The following NRDC variants were observed in gnomAD, a reference collection of about 807,000 sequenced individuals.
The protein encoded by NRDC is nardilysin convertase.
In NRDC, 54 loss-of-function variants were observed where a neutral mutation model predicts 147.1. The ratio of observed to expected loss-of-function variants is 0.37; its 90% CI spans 0.29 to 0.46. The LOEUF (loss-of-function observed/expected upper bound fraction) is 0.46. Ranked by LOEUF, NRDC falls within the 20% of genes least tolerant of loss-of-function variation. The pLI, the probability that NRDC is intolerant of heterozygous loss-of-function variation, is 1.00. For missense variants in NRDC, 1,082 were observed against 1,370.6 expected (o/e 0.79, Z 3.33); for synonymous variants, 440 against 482.1 (o/e 0.91, Z 1.14).
At chr1:51,834,302 CT>C (rs565421442) in intron 3 of NRDC, 132 bp from the exon 4 acceptor site, 2,041 of 867,798 alleles carry the variant, frequency 2.4e-3, no homozygotes, top group Non-Finnish European at 2.6e-3. Flanking sequence ...TGTCTGAATT[CT>C]TTTTTTTTTC....
In NRDC at chr1:51,791,597, T is replaced by A; in HGVS notation, c.2941A>T (p.Thr981Ser). Residue 981 changes from threonine (T) to serine (S), a missense_variant, in exon 27 of 31, where the codon ACT (threonine) becomes TCT (serine). Transcript: ENST00000352171. ...ACTCACTTGTATTTGGTTGCCTGAG[T>A]CCCCACAGTGACAGAAAATCCTAGA... is the stretch of plus-strand genomic sequence containing the variant. ...GILGFSVTVG[T>S]QATKYNSEVV... 1 of 1,613,472 alleles carries A rather than the reference T, an allele frequency of 6.2e-7. No homozygotes were observed. The highest frequency in any genetic ancestry group is 8.5e-7 in the Non-Finnish European group (1 of 1,179,460).
intron 20 of NRDC, among the ~76,000 whole-genome samples, chr1:51,801,494 A>G (rs1347294741): frequency 6.6e-6 from 1 of 152,114 alleles, no homozygotes; most frequent in African/African-American, 2.4e-5. Flanking sequence ...TATGGGGGAG[A>G]AAAAGCCATT....
Position 51,816,790 on chromosome 1 carries a change from A to G in NRDC, c.1362-401T>C, listed in dbSNP as rs375891535. ...CACATTGGGTTCTGTGGTAAAATGA[A>G]ATGTGTTGTTCAGAGGGTCAGAAAA... On this transcript the variant is annotated intron_variant, in intron 10 of 30. Coordinates refer to ENST00000352171, the MANE Select transcript of NRDC (RefSeq NM_001101662.2). Among the ~76,000 whole-genome samples, 144 of 152,304 alleles carry G rather than the reference A, an allele frequency of 9.5e-4. 2 individuals are homozygous for G. The highest frequency in any genetic ancestry group is 3.4e-3 in the African/African-American group (141 of 41,558).
chr1:51,825,675 A>AT (rs1680412080), intron 5 of NRDC, among the ~76,000 whole-genome samples: 1 of 152,152 alleles, frequency 6.6e-6, no homozygotes, highest in Admixed American at 6.5e-5. Flanking sequence ...TATGTACAAG[A>AT]TTTTACTGAT....
rs190478032 is a variant in NRDC at position 51,789,588 on chromosome 1, T to G, written c.3238A>C (p.Ser1080Arg). 8 of 1,613,746 alleles carry G rather than the reference T, an allele frequency of 5.0e-6. No individual in the cohort carries two copies. The East Asian group carries it at 1.8e-4, about 36-fold the overall frequency. The change falls in exon 30 of 31, where the codon AGT becomes CGT. Residue 1080 changes from serine (S) to arginine (R), a missense_variant. This residue lies in a region of NRDC where 187 missense variants were observed against 193.6 expected (regional missense o/e 0.97). Coordinates refer to ENST00000352171, the MANE Select transcript of NRDC (RefSeq NM_001101662.2). ...CTCACATGAACGCTGAGCATTTTAC[T>G]TCCTGGCCCTCTATGGGCCTTGAAC... ...NWFKAHRGPG[S>R]KMLSVHVVGY...
At chr1:51,875,729 T>C (rs1326001398) in intron 1 of NRDC, among the ~76,000 whole-genome samples, 1 of 145,428 alleles carries the variant, frequency 6.9e-6, no homozygotes, top group East Asian at 1.9e-4. Flanking sequence ...GGCTAATTTT[T>C]TGTGTGTAGA....
At chr1:51,865,295 T>A (rs1467964334) in intron 1 of NRDC, among the ~76,000 whole-genome samples, 5 of 151,542 alleles carry the variant, frequency 3.3e-5, no homozygotes, top group Admixed American at 3.3e-4. Flanking sequence ...ACAAATTTTT[T>A]AAGTTTTTCG....
chr1:51,792,239 T>C, intron 25 of NRDC, 138 bp downstream of exon 25: 1 of 1,330,604 alleles, frequency 7.5e-7, no homozygotes, highest in Non-Finnish European at 1.1e-6. Flanking sequence ...TTATACTGGG[T>C]GAGAACAGTA....
intron 1 of NRDC, among the ~76,000 whole-genome samples, chr1:51,856,702 T>C (rs1021691592): frequency 6.6e-6 from 1 of 152,000 alleles, no homozygotes; most frequent in Non-Finnish European, 1.5e-5. Flanking sequence ...TTTATGGAAA[T>C]TTCAAAATAT....
chr1:51,856,740 G>A (rs1002061804), intron 1 of NRDC, among the ~76,000 whole-genome samples: 1 of 152,036 alleles, frequency 6.6e-6, no homozygotes, highest in African/African-American at 2.4e-5. Context: ...AGGATAGGGT[G>A]GGACGCCCTC....
chr1:51,834,626 C>T (rs1391846280), intron 3 of NRDC, among the ~76,000 whole-genome samples: 2 of 151,964 alleles, frequency 1.3e-5, no homozygotes, highest in Non-Finnish European at 2.9e-5. Flanking sequence ...CTAAATAATA[C>T]TTTCTTCATT....
intron 7 of NRDC, 101 bp from the exon 8 acceptor site, chr1:51,821,656 G>A (rs1680211469): frequency 2.4e-6 from 2 of 840,514 alleles, no homozygotes; most frequent in Admixed American, 2.1e-5. Flanking sequence ...AAAAAACAAA[G>A]GGATATTTTA....
At position 51,816,385 on chromosome 1, in the gene NRDC, T is replaced by G. The variant is rs1679966916; in HGVS notation, c.1366A>C (p.Lys456Gln). 6.4e-7 allele frequency: 1 copy of G among 1,570,816 alleles called. No homozygotes were observed. The highest frequency in any genetic ancestry group is 1.2e-5 in the South Asian group (1 of 83,304). ...AGCCAGGATATATAATGAAGTGGCT[T>G]CACCCTTTTAAAAAAATTTAATGGT... ...LPPQQQHYRV[K>Q]PLHYISWLVG... Residue 456 changes from lysine (K) to glutamine (Q), a missense_variant, in exon 11 of 31, where the codon AAG becomes CAG. Around this residue, in one of 3 missense-constraint regions of NRDC, gnomAD observed 635 missense variants for 923.8 expected, o/e 0.69. Transcript: ENST00000352171.
chr1:51,820,955 A>G (rs1680182896), intron 8 of NRDC, among the ~76,000 whole-genome samples: 1 of 152,152 alleles, frequency 6.6e-6, no homozygotes, highest in South Asian at 2.1e-4. Flanking sequence ...TGGAGAAAAA[A>G]TGTTTAAATC....
chr1:51,830,153 T>G (rs1680642496), intron 4 of NRDC, among the ~76,000 whole-genome samples: 1 of 151,912 alleles, frequency 6.6e-6, no homozygotes, highest in Non-Finnish European at 1.5e-5. Flanking sequence ...TTAGTAGATA[T>G]GGGGTTTCAC....
rs540271316 is a variant in NRDC, at chr1:51,845,554, C to T, written c.342-5040G>A. On this transcript the variant is annotated intron_variant, in intron 1 of 30. Coordinates refer to ENST00000352171, the MANE Select transcript of NRDC (RefSeq NM_001101662.2). The stretch of plus-strand genomic sequence containing the variant: ...GTTGCAGTGAGCCAGGATTGCACCA[C>T]AGCACTCCAGCCTGGGCGACAGAGC... 3.9e-5 allele frequency among the ~76,000 whole-genome samples: 6 copies of T among 152,228 alleles called. No individual in the cohort carries two copies. The East Asian group carries it at 9.6e-4, about 24-fold the overall frequency.
At position 51,794,542 on chromosome 1, in the gene NRDC, C is replaced by A; in HGVS notation, c.2705G>T (p.Gly902Val). 6.2e-7 allele frequency: 1 copy of A among 1,614,158 alleles called. No individual in the cohort carries two copies. Among genetic ancestry groups the A allele is most frequent in the Non-Finnish European group, 8.5e-7 (1 of 1,180,012 alleles). Residue 902 changes from glycine (G) to valine (V), a missense_variant, in exon 24 of 31, where the codon GGC (glycine) becomes GTC (valine). Gly to Val is a moderately radical substitution (Grantham distance 109). This residue lies in a region of NRDC where 635 missense variants were observed against 923.8 expected (regional missense o/e 0.69). Transcript: ENST00000352171. ...VQFQVVELPS[G>V]HHLCKVKALN... ...AGCTTTCACTTTGCATAGATGGTGGCCACTGGGCAGCTCTACCACCTGGAA... is the reference window on the plus strand; with the variant it reads ...AGCTTTCACTTTGCATAGATGGTGGACACTGGGCAGCTCTACCACCTGGAA...
chr1:51,791,300 T>A (rs1294955308), intron 27 of NRDC, among the ~76,000 whole-genome samples: 1 of 152,260 alleles, frequency 6.6e-6, no homozygotes, highest in East Asian at 1.9e-4. Context: ...AGATCAGGCA[T>A]CCTTTCCCTT....
chr1:51,864,843 T>C (rs559656429), intron 1 of NRDC, among the ~76,000 whole-genome samples: 9 of 151,734 alleles, frequency 5.9e-5, no homozygotes, highest in Non-Finnish European at 1.2e-4. Flanking sequence ...TTCCAGCTAC[T>C]CAGGAGGCTG....
Sources: gnomAD v4.1 joint callset for allele counts (sites outside exome capture counted in the v4.1 genomes callset) on GRCh38, gnomAD v4.1.1 for gene constraint, gnomAD v4.1.1 regional missense constraint, MANE v1.5 for transcripts, NCBI Gene and HGNC (gene_info 2026-07-23, HGNC 2026-07-21) for gene names.